The following KCNH4 variants were observed in gnomAD, a reference collection of about 807,000 sequenced individuals.
KCNH4 encodes potassium voltage-gated channel subfamily H member 4, also known as voltage-gated delayed rectifier potassium channel KCNH4.
Under a neutral mutation model 90.7 loss-of-function variants are expected in KCNH4, and 33 were observed. The observed-to-expected ratio is 0.36, with a 90% confidence interval of 0.28 to 0.49. KCNH4 has a LOEUF of 0.49. Ranked by LOEUF, KCNH4 falls within the 20% of genes least tolerant of loss-of-function variation. The pLI is 0.98. For synonymous variants in KCNH4, 551 were observed against 581.7 expected, an observed-to-expected ratio of 0.95 and a Z score of 0.76; for missense variants, 1,044 against 1,387.1, an observed-to-expected ratio of 0.75 and a Z score of 3.93.
Position 42,160,416 on chromosome 17 carries a change from T to C in KCNH4, c.2678A>G (p.Glu893Gly). ...CAGCTCCCGGCTAAGCTGAGACACC[T>C]CCTGATTGAGACGAGAGATCTGTTG... ...LNQEISRLNQ[E>G]VSQLSRELRH... Residue 893 changes from glutamate (E) to glycine (G), a missense_variant, in exon 16 of 17, where the codon GAG becomes GGG. Transcript: ENST00000264661. The C allele has an allele frequency of 6.2e-7, 1 of 1,602,662 alleles. No individual in the cohort carries two copies. Among genetic ancestry groups the C allele is most frequent in the South Asian group, 1.1e-5 (1 of 90,522 alleles).
rs573539339 is a variant in KCNH4 at position 42,171,394 on chromosome 17, C to A, written c.1195+394G>T. 2.0e-5 allele frequency among the ~76,000 whole-genome samples: 3 copies of A among 152,158 alleles called. No individual in the cohort carries two copies. The South Asian group carries it at 6.2e-4, about 32-fold the overall frequency. On this transcript the variant is annotated intron_variant, in intron 7 of 16. Coordinates refer to ENST00000264661, the MANE Select transcript of KCNH4 (RefSeq NM_012285.3). ...AGGCCTTTCAGAGGGATTCCAAGGG[C>A]CTGGGGCTGTCTCCTGGCTCATGGC...
intron 9 of KCNH4, 91 bp from the exon 10 acceptor site, chr17:42,166,637 C>T: frequency 6.8e-7 from 1 of 1,477,512 alleles, no homozygotes; most frequent in Non-Finnish European, 9.2e-7. Flanking sequence ...AGAGAGAATT[C>T]CTCTTGCCCT....
rs1178181845 is a variant in KCNH4 at position 42,170,305 on chromosome 17, C to G, written c.1196-4G>C. Reference sequence around the variant, plus strand: ...TTGCCCAACTCATGCAACCAGCCTGCAGGGTGGACGGATGCAGGGAGCCCT... The same window carrying G: ...TTGCCCAACTCATGCAACCAGCCTGGAGGGTGGACGGATGCAGGGAGCCCT... On this transcript the variant is annotated splice_region_variant and splice_polypyrimidine_tract_variant and intron_variant, in intron 7 of 16. Transcript: ENST00000264661. 6.3e-7 allele frequency: 1 copy of G among 1,582,984 alleles called. No individual in the cohort carries two copies. Among genetic ancestry groups the G allele is most frequent in the African/African-American group, 1.3e-5 (1 of 74,118 alleles).
Position 42,163,282 on chromosome 17 carries a change from G to T in KCNH4, c.2530C>A (p.Arg844=), listed in dbSNP as rs1211917797. ...SGSTAEAPSF[R]FSRRPELPRP... Reference sequence around the variant, plus strand: ...GGCAGTTCAGGCCTCCTGCTGAATCGGAATGAAGGGGCCTCAGCTGTGCTG... The same window carrying T: ...GGCAGTTCAGGCCTCCTGCTGAATCTGAATGAAGGGGCCTCAGCTGTGCTG... Residue 844 remains arginine, a synonymous_variant, in exon 14 of 17, where the codon CGA becomes AGA. Coordinates refer to ENST00000264661, the MANE Select transcript of KCNH4 (RefSeq NM_012285.3). The surrounding 1 kb of genome is among the most constrained non-coding windows in gnomAD (Gnocchi z 5.4). 1 of 1,614,112 alleles carries T rather than the reference G, an allele frequency of 6.2e-7. No homozygotes were observed. The highest frequency in any genetic ancestry group is 1.1e-5 in the South Asian group (1 of 91,086).
At chr17:42,161,624 G>A (rs2079749429) in intron 15 of KCNH4, among the ~76,000 whole-genome samples, 1 of 152,210 alleles carries the variant, frequency 6.6e-6, no homozygotes. Context: ...ACCCACGGCT[G>A]GGGTAAGGGA....
chr17:42,172,420 C>T (rs2079833333), intron 6 of KCNH4, among the ~76,000 whole-genome samples: 1 of 151,954 alleles, frequency 6.6e-6, no homozygotes, highest in Admixed American at 6.6e-5. Flanking sequence ...GATCCACCTG[C>T]CTCGGCCTCC....
intron 6 of KCNH4, among the ~76,000 whole-genome samples, chr17:42,172,996 C>T (rs574182485): frequency 2.0e-5 from 3 of 151,604 alleles, no homozygotes; most frequent in Admixed American, 2.0e-4. Flanking sequence ...GGCAGGAGAG[C>T]AGGGACTGAG....
chr17:42,175,888 G>T, intron 5 of KCNH4, 152 bp from the exon 6 acceptor site: 1 of 1,252,168 alleles, frequency 8.0e-7, no homozygotes, highest in Non-Finnish European at 1.1e-6. Context: ...TAGGTTACAA[G>T]GCTGAAGGCT....
chr17:42,160,519 G>A (rs117596174), intron 15 of KCNH4, 84 bp from the exon 16 acceptor site: 21 of 1,425,490 alleles, frequency 1.5e-5, no homozygotes, highest in Non-Finnish European at 1.9e-5. Flanking sequence ...AAGCTCTTTC[G>A]CAGCCACTTT....
Position 42,159,982 on chromosome 17 carries a change from C to T in KCNH4, c.*58G>A. ...GGCAGGAAGCCAAGGGGCCCAGGTC[C>T]TCCCTGAGTGGTGAGCGGCAGCGCC... On this transcript the variant is annotated 3_prime_UTR_variant, in exon 16 of 17. Coordinates refer to ENST00000264661, the MANE Select transcript of KCNH4 (RefSeq NM_012285.3). 1 of 1,374,898 alleles carries T rather than the reference C, an allele frequency of 7.3e-7. No individual in the cohort carries two copies. Among genetic ancestry groups the T allele is most frequent in the Non-Finnish European group, 9.6e-7 (1 of 1,039,892 alleles). 85.2% of individuals were successfully genotyped at this position (1,374,898 alleles called of 1,614,324 possible).
intron 11 of KCNH4, 33 bp downstream of exon 11, chr17:42,165,416 T>G (rs1490285712): frequency 6.2e-7 from 1 of 1,609,386 alleles, no homozygotes; most frequent in Non-Finnish European, 8.5e-7. Flanking sequence ...GAAGGGACTC[T>G]GGAAGGATGG....
Position 42,178,937 on chromosome 17 carries a change from C to A in KCNH4, c.166G>T (p.Gly56Cys). ...SDGFCELTGY[G>C]RTEVMQKTCS... Reference sequence around the variant, plus strand: ...GTCTTCTGCATGACCTCGGTGCGACCGTAGCCTGTGAGCTCGCAGAAGCCG... The same window carrying A: ...GTCTTCTGCATGACCTCGGTGCGACAGTAGCCTGTGAGCTCGCAGAAGCCG... The change falls in exon 2 of 17, where the codon GGT becomes TGT. Residue 56 changes from glycine to cysteine, a missense_variant. Coordinates refer to ENST00000264661, the MANE Select transcript of KCNH4 (RefSeq NM_012285.3). The A allele has an allele frequency of 6.2e-7, 1 of 1,614,202 alleles. No homozygotes were observed. Among genetic ancestry groups the A allele is most frequent in the Non-Finnish European group, 8.5e-7 (1 of 1,180,044 alleles).
At position 42,159,984 on chromosome 17, in the gene KCNH4, C is replaced by G. The variant is rs992023302; in HGVS notation, c.*56G>C. 6.4e-6 allele frequency: 9 copies of G among 1,406,638 alleles called. No individual in the cohort carries two copies. The highest frequency in any genetic ancestry group is 7.5e-6 in the Non-Finnish European group (8 of 1,060,332). The allele number at this position is 1,406,638 out of a possible 1,614,324, so 87.1% of individuals were successfully genotyped here. A position where few individuals can be genotyped will look rare whatever the true frequency, so the allele number is the denominator to read the frequency against. ...CAGGAAGCCAAGGGGCCCAGGTCCT[C>G]CCTGAGTGGTGAGCGGCAGCGCCCA... On this transcript the variant is annotated 3_prime_UTR_variant, in exon 16 of 17. Coordinates refer to ENST00000264661, the MANE Select transcript of KCNH4 (RefSeq NM_012285.3).
At chr17:42,164,097 G>A (rs1372932429) in intron 12 of KCNH4, 33 bp downstream of exon 12, 8 of 1,548,476 alleles carry the variant, frequency 5.2e-6, no homozygotes, top group African/African-American at 1.4e-5. Context: ...TCTCCCCAGG[G>A]CAATTCAACC....
intron 6 of KCNH4, among the ~76,000 whole-genome samples, chr17:42,173,769 C>A (rs1195355733): frequency 3.2e-5 from 4 of 123,930 alleles, no homozygotes; most frequent in African/African-American, 1.2e-4. Context: ...GGCGCAATCT[C>A]GGCTCACTGA....
At position 42,163,123 on chromosome 17, in the gene KCNH4, C is replaced by T; in HGVS notation, c.2584+105G>A. On this transcript the variant is annotated intron_variant, in intron 14 of 16. Coordinates refer to ENST00000264661, the MANE Select transcript of KCNH4 (RefSeq NM_012285.3). This position sits in a 1 kb window ranked among gnomAD's most constrained non-coding sequence, Gnocchi z 5.4. ...CCAGGTCTGTTTTATCTGTGTATTC[C>T]CAGGATGGCACCTGGCACATGGTAG... 1 of 802,966 alleles carries T rather than the reference C, an allele frequency of 1.2e-6. No individual in the cohort carries two copies. The highest frequency in any genetic ancestry group is 1.5e-5 in the South Asian group (1 of 67,648). 49.7% of individuals were successfully genotyped at this position (802,966 alleles called of 1,614,324 possible). A position where few individuals can be genotyped will look rare whatever the true frequency, so the allele number is the denominator to read the frequency against.
Position 42,171,816 on chromosome 17 carries a change from C to A in KCNH4, c.1167G>T (p.Glu389Asp), listed in dbSNP as rs375433082. The change falls in exon 7 of 17, where the codon GAG (glutamate) becomes GAT (aspartate). Residue 389 changes from glutamate (E) to aspartate (D), a missense_variant. Coordinates refer to ENST00000264661, the MANE Select transcript of KCNH4 (RefSeq NM_012285.3). Reference sequence around the variant, plus strand: ...TGTCCCAGAGCAGCGGGTCATTGGCCTCCATCTCCCGGCGCCCGATGACAT... The same window carrying A: ...TGTCCCAGAGCAGCGGGTCATTGGCATCCATCTCCCGGCGCCCGATGACAT... ...IWYVIGRREM[E>D]ANDPLLWDIG... 3.7e-6 allele frequency: 6 copies of A among 1,614,022 alleles called. No individual in the cohort carries two copies. The African/African-American group carries it at 8.0e-5, about 22-fold the overall frequency.
chr17:42,170,453 G>A lies in KCNH4; in HGVS notation c.1196-152C>T, dbSNP rs2079819849. ...TGGCCTGGGCCTGTGTCTCCCCATG[G>A]TGCATTGGTTACAGTTGCATTCCAA... On this transcript the variant is annotated intron_variant, in intron 7 of 16. Coordinates refer to ENST00000264661, the MANE Select transcript of KCNH4 (RefSeq NM_012285.3). 3 of 631,886 alleles carry A rather than the reference G, an allele frequency of 4.7e-6. No homozygotes were observed. In the East Asian group the frequency reaches 9.0e-5, roughly 19 times the overall value. The allele number at this position is 631,886 out of a possible 1,614,324, so 39.1% of individuals were successfully genotyped here. A position where few individuals can be genotyped will look rare whatever the true frequency, so the allele number is the denominator to read the frequency against.
intron 10 of KCNH4, 48 bp from the exon 11 acceptor site, chr17:42,165,741 G>A (rs1485441495): frequency 6.2e-7 from 1 of 1,608,892 alleles, no homozygotes; most frequent in South Asian, 1.1e-5. Flanking sequence ...GAGAACGAAA[G>A]GATATCAGCT....
Sources: allele counts gnomAD v4.1 joint callset (sites outside exome capture counted in the v4.1 genomes callset), GRCh38; gene constraint gnomAD v4.1.1; non-coding constraint Gnocchi (gnomAD v3.1); transcripts MANE v1.5; gene names NCBI Gene and HGNC (gene_info 2026-07-23, HGNC 2026-07-21).